Variants in PDZD8 observed in about 807,000 individuals in gnomAD.
PDZD8 encodes PDZ domain containing 8, also known as PDZ domain-containing protein 8.
PDZD8 carries 14 observed loss-of-function variants against 85.8 expected under a neutral mutation model. The ratio of observed to expected loss-of-function variants is 0.16; its 90% confidence interval spans 0.11 to 0.26. The LOEUF (loss-of-function observed/expected upper bound fraction) is 0.26, where lower values mean the gene tolerates loss of function less well. Among genes scored for constraint, PDZD8 ranks in the 10% least tolerant of loss-of-function variants. The pLI is 1.00. For missense variants in PDZD8, 1,197 were observed against 1,424.3 expected (o/e 0.84, Z 2.57); for synonymous variants, 592 against 568.6 (o/e 1.04, Z -0.59).
chr10:117,365,969 C>T (rs924535096), intron 1 of PDZD8, among the ~76,000 whole-genome samples: 8 of 152,034 alleles, frequency 5.3e-5, no homozygotes, highest in Admixed American at 3.3e-4. Flanking sequence ...AGAACTCTAA[C>T]TTGAAATTTC....
chr10:117,301,163 T>G (rs1403547485), intron 3 of PDZD8, among the ~76,000 whole-genome samples: 1 of 152,026 alleles, frequency 6.6e-6, no homozygotes, highest in African/African-American at 2.4e-5. Context: ...TAATTTTTAT[T>G]TTTAGTAGAG....
chr10:117,363,624 T>C (rs1845034368), intron 1 of PDZD8, among the ~76,000 whole-genome samples: 1 of 152,188 alleles, frequency 6.6e-6, no homozygotes, highest in Admixed American at 6.5e-5. Context: ...AGATACTTAA[T>C]ACAGAAGAAT....
chr10:117,370,785 A>G (rs753194970), intron 1 of PDZD8, among the ~76,000 whole-genome samples: 13 of 141,902 alleles, frequency 9.2e-5, no homozygotes, highest in Non-Finnish European at 1.2e-4. Context: ...AAAATGACCA[A>G]TTTAAGAAAA....
rs2133752819 is a variant in PDZD8 at position 117,279,460 on chromosome 10, C to T, written c.*3808G>A. On this transcript the variant is annotated 3_prime_UTR_variant, in exon 5 of 5. Transcript: ENST00000334464. ...GTGCCTGTTTGTATTCCTTTATAAA[C>T]CAAATGTTGTTGGAATAAAATACAT... is the stretch of plus-strand genomic sequence containing the variant. 1 of 152,104 alleles carries T rather than the reference C, an allele frequency of 6.6e-6. No individual in the cohort carries two copies. The highest frequency in any genetic ancestry group is 2.1e-4 in the South Asian group (1 of 4,832). 9.4% of individuals were successfully genotyped at this position (152,104 alleles called of 1,614,324 possible). A position where few individuals can be genotyped will look rare whatever the true frequency, so the allele number is the denominator to read the frequency against.
intron 4 of PDZD8, among the ~76,000 whole-genome samples, chr10:117,286,193 T>C (rs989987052): frequency 6.6e-6 from 1 of 152,210 alleles, no homozygotes; most frequent in Non-Finnish European, 1.5e-5. Flanking sequence ...TATAAAGGTA[T>C]AAAAAGATGT....
chr10:117,298,899 A>T (rs565501275), intron 3 of PDZD8, among the ~76,000 whole-genome samples: 1 of 152,210 alleles, frequency 6.6e-6, no homozygotes, highest in East Asian at 1.9e-4. Context: ...CATATCCACA[A>T]GGGTTCCAGG....
intron 2 of PDZD8, among the ~76,000 whole-genome samples, chr10:117,334,204 G>A (rs1844477190): frequency 6.6e-6 from 1 of 152,214 alleles, no homozygotes; most frequent in Non-Finnish European, 1.5e-5. Flanking sequence ...GCAGCTGCAG[G>A]CAGGGCACAG....
intron 2 of PDZD8, among the ~76,000 whole-genome samples, chr10:117,333,116 T>TAAAAAAAA (rs1564702920): frequency 6.0e-5 from 1 of 16,804 alleles, no homozygotes; most frequent in Non-Finnish European, 1.0e-4. Context: ...GGACTCTGTC[T>TAAAAAAAA]CAAAAAAAAA....
At position 117,285,115 on chromosome 10, in the gene PDZD8, C is replaced by T. The variant is rs1565016327; in HGVS notation, c.1618G>A (p.Val540Ile). Residue 540 changes from valine (V) to isoleucine (I), a missense_variant, in exon 5 of 5, where the codon GTT becomes ATT. Physicochemically the swap from Val to Ile is conservative, Grantham distance 29. Coordinates refer to ENST00000334464, the MANE Select transcript of PDZD8 (RefSeq NM_173791.5). ...CCTACAGCTAATTTACGGTTTAAAA[C>T]TGGTGATATAGCTCCAAGGGGTTTA... ...SIKPLGAISPVLNRKLAVGSH... is the reference protein window; with the variant it reads ...SIKPLGAISPILNRKLAVGSH... 6.2e-7 allele frequency: 1 copy of T among 1,614,068 alleles called. No homozygotes were observed. The highest frequency in any genetic ancestry group is 8.5e-7 in the Non-Finnish European group (1 of 1,179,948).
intron 3 of PDZD8, among the ~76,000 whole-genome samples, chr10:117,300,363 A>T (rs1843825798): frequency 6.6e-6 from 1 of 152,220 alleles, no homozygotes; most frequent in Non-Finnish European, 1.5e-5. Flanking sequence ...ATATAAATGG[A>T]AGTTTTGGAA....
intron 1 of PDZD8, among the ~76,000 whole-genome samples, chr10:117,347,643 CA>C (rs75612604): frequency 0.24 from 35,125 of 147,012 alleles, 4,728 homozygotes; most frequent in East Asian, 0.44. Context: ...TTTTTGTGGA[CA>C]AAAAAAAATG....
At chr10:117,364,181 GGTGTGTGTGTGTGT>G (rs71938439) in intron 1 of PDZD8, among the ~76,000 whole-genome samples, 7 of 149,088 alleles carry the variant, frequency 4.7e-5, no homozygotes, top group Middle Eastern at 3.4e-3. Flanking sequence ...ATAATTTATG[GGTGTGTGTGTGTGT>G]GTGTGTGTGT....
At chr10:117,334,012 T>C (rs1162964895) in intron 2 of PDZD8, among the ~76,000 whole-genome samples, 2 of 152,114 alleles carry the variant, frequency 1.3e-5, no homozygotes, top group Non-Finnish European at 2.9e-5. Context: ...TTCAACAACA[T>C]GTACAACAAA....
At chr10:117,321,427 A>C (rs1417922591) in intron 2 of PDZD8, among the ~76,000 whole-genome samples, 1 of 152,212 alleles carries the variant, frequency 6.6e-6, no homozygotes, top group East Asian at 1.9e-4. Flanking sequence ...CATATAAAAT[A>C]TCTTGAATAG....
chr10:117,317,691 T>C (rs1844155003), intron 3 of PDZD8, among the ~76,000 whole-genome samples: 1 of 152,190 alleles, frequency 6.6e-6, no homozygotes, highest in Non-Finnish European at 1.5e-5. Context: ...TAGTTATGTA[T>C]TTCAAAACAA....
At chr10:117,370,041 A>G (rs779753171) in intron 1 of PDZD8, among the ~76,000 whole-genome samples, 1 of 152,190 alleles carries the variant, frequency 6.6e-6, no homozygotes, top group Non-Finnish European at 1.5e-5. Flanking sequence ...TTATCCACGT[A>G]GTAAAAGAAC....
intron 3 of PDZD8, among the ~76,000 whole-genome samples, chr10:117,312,013 A>G (rs973950521): frequency 5.9e-5 from 9 of 151,854 alleles, no homozygotes; most frequent in Admixed American, 5.9e-4. Context: ...TTCCCAGTTC[A>G]CTCCTATTTC....
At chr10:117,335,832 T>C (rs1030554693) in intron 2 of PDZD8, among the ~76,000 whole-genome samples, 1 of 152,208 alleles carries the variant, frequency 6.6e-6, no homozygotes, top group African/African-American at 2.4e-5. Context: ...GTATGGACAA[T>C]GCATTCTGAA....
chr10:117,324,611 A>G (rs2532835), intron 2 of PDZD8, among the ~76,000 whole-genome samples: 116,913 of 152,082 alleles, frequency 0.77, 45,599 homozygotes, highest in Non-Finnish European at 0.85. Flanking sequence ...CAAGTTTCTG[A>G]TAACTTTAAG....
Sources: gnomAD v4.1 joint callset for allele counts (sites outside exome capture counted in the v4.1 genomes callset) on GRCh38, gnomAD v4.1.1 for gene constraint, MANE v1.5 for transcripts, NCBI Gene and HGNC (gene_info 2026-07-23, HGNC 2026-07-21) for gene names.